The following XRRA1 variants were observed in gnomAD, a reference collection of about 807,000 sequenced individuals.
The protein encoded by XRRA1 is X-ray radiation resistance-associated protein 1.
In XRRA1, 69 loss-of-function variants were observed where a neutral mutation model predicts 80.2. That is an observed-to-expected ratio of 0.86 (90% confidence interval 0.71 to 1.05). The LOEUF is 1.05. XRRA1 is among the 50% of genes least tolerant of loss of function. XRRA1 has a pLI of 0.00. For synonymous variants in XRRA1, 348 were observed against 389.9 expected (o/e 0.89, Z 1.27); for missense variants, 967 against 976.4 (o/e 0.99, Z 0.13).
Position 74,848,228 on chromosome 11 carries a change from T to C in XRRA1, c.1615A>G (p.Thr539Ala). 1 of 1,613,392 alleles carries C rather than the reference T, an allele frequency of 6.2e-7. No homozygotes were observed. The highest frequency in any genetic ancestry group is 8.5e-7 in the Non-Finnish European group (1 of 1,179,716). ...VPLPPICSNSTVHSEETLSHL... is the reference protein window; with the variant it reads ...VPLPPICSNSAVHSEETLSHL... ...GACAGGGTCTCTTCACTATGCACAG[T>C]GGAGTTGGAGCAGATGGGAGGCAGT... Residue 539 changes from threonine (T) to alanine (A), a missense_variant, in exon 15 of 19, where the codon ACT becomes GCT. Thr to Ala is a moderately conservative substitution (Grantham distance 58). Transcript: ENST00000684022.
intron 3 of XRRA1, 113 bp from the exon 4 acceptor site, chr11:74,937,181 T>G (rs964973372): frequency 4.5e-6 from 5 of 1,114,198 alleles, no homozygotes; most frequent in Non-Finnish European, 6.3e-6. Flanking sequence ...TTATCTAACA[T>G]GCACCAGATA....
chr11:74,879,587 T>C (rs1261200355), intron 10 of XRRA1, among the ~76,000 whole-genome samples: 2 of 152,128 alleles, frequency 1.3e-5, no homozygotes, highest in African/African-American at 4.8e-5. Flanking sequence ...TTCAGTATGA[T>C]ATTGGCTGTG....
At position 74,883,796 on chromosome 11, in the gene XRRA1, CA is replaced by C. The variant is rs1279111848; in HGVS notation, c.1004-20776del. Among the ~76,000 whole-genome samples, 6 of 152,252 alleles carry C rather than the reference CA, an allele frequency of 3.9e-5. No homozygotes were observed. In the East Asian group the frequency reaches 9.7e-4, roughly 25 times the overall value. On this transcript the variant is annotated intron_variant, in intron 10 of 18. Transcript: ENST00000684022. ...TACCAGCTGTAGTGTTTCCACTCCTCAGGGGGGAAATATGATACAGGGGGTA... is the reference window on the plus strand; with the variant it reads ...TACCAGCTGTAGTGTTTCCACTCCTCGGGGGGAAATATGATACAGGGGGTA...
chr11:74,885,923 A>T (rs1398652555), intron 10 of XRRA1, among the ~76,000 whole-genome samples: 1 of 152,264 alleles, frequency 6.6e-6, no homozygotes, highest in African/African-American at 2.4e-5. Context: ...GCAAATCAAT[A>T]AATGTGATTT....
Position 74,848,122 on chromosome 11 carries a change from A to G in XRRA1, c.1721T>C (p.Leu574Pro). 1 of 1,607,674 alleles carries G rather than the reference A, an allele frequency of 6.2e-7. No homozygotes were observed. Among genetic ancestry groups the G allele is most frequent in the Non-Finnish European group, 8.5e-7 (1 of 1,178,504 alleles). Residue 574 changes from leucine (L) to proline (P), a missense_variant, in exon 15 of 19, where the codon CTG (leucine) becomes CCG (proline). By Grantham distance (98) the Leu-to-Pro change is moderately conservative. Transcript: ENST00000684022. ...EDSKSTESIF[L>P]TQVSELPSSV... The stretch of plus-strand genomic sequence containing the variant: ...GCAGCTGGATACAGGTACCTGGGTC[A>G]GGAAGATGGACTCTGTGCTCTTGGA...
chr11:74,864,870 C>A (rs1487925754), intron 10 of XRRA1, among the ~76,000 whole-genome samples: 3 of 152,234 alleles, frequency 2.0e-5, no homozygotes, highest in Non-Finnish European at 4.4e-5. Context: ...TGTCCCACAG[C>A]AAATTCTGAG....
At chr11:74,893,857 A>C (rs771546931) in intron 10 of XRRA1, among the ~76,000 whole-genome samples, 2 of 152,254 alleles carry the variant, frequency 1.3e-5, no homozygotes, top group Non-Finnish European at 2.9e-5. Context: ...AAGAACTTAA[A>C]AACAGAATTA....
In XRRA1 at chr11:74,843,954, C is replaced by T; in HGVS notation, c.2049G>A (p.Gln683=). 1 of 1,613,194 alleles carries T rather than the reference C, an allele frequency of 6.2e-7. No homozygotes were observed. The part of the protein sequence containing the change: ...KPYVHKEKRA[Q]RIPIPPPKKT... Reference sequence around the variant, plus strand: ...TCTTTGGGGGTGGAATCGGGATTCTCTGGGCCTGGCAGAAGGTCATGGAGG... The same window carrying T: ...TCTTTGGGGGTGGAATCGGGATTCTTTGGGCCTGGCAGAAGGTCATGGAGG... Residue 683 remains glutamine, a synonymous_variant, in exon 18 of 19, where the codon CAG becomes CAA. Coordinates refer to ENST00000684022, the MANE Select transcript of XRRA1 (RefSeq NM_001378157.1).
intron 12 of XRRA1, among the ~76,000 whole-genome samples, chr11:74,852,588 CA>C (rs930561475): frequency 6.6e-6 from 1 of 152,020 alleles, no homozygotes; most frequent in Non-Finnish European, 1.5e-5. Flanking sequence ...TGGGGATGGA[CA>C]GGGGGAAAGG....
chr11:74,872,559 GTCA>G (rs139819057), intron 10 of XRRA1, among the ~76,000 whole-genome samples: 3,034 of 152,218 alleles, frequency 0.02, 40 homozygotes, highest in Non-Finnish European at 0.033. Flanking sequence ...AGTGTGGCAA[GTCA>G]GGGCACTTTA....
rs555174797 is a variant in XRRA1, at chr11:74,929,671, A to C, written c.424+629T>G. Reference sequence around the variant, plus strand: ...ATGCCTTCTTACCTTCTAGTTCCTGAATCACTCCTATTCATTTTTCTGGTC... The same window carrying C: ...ATGCCTTCTTACCTTCTAGTTCCTGCATCACTCCTATTCATTTTTCTGGTC... On this transcript the variant is annotated intron_variant, in intron 6 of 18. Coordinates refer to ENST00000684022, the MANE Select transcript of XRRA1 (RefSeq NM_001378157.1). Among the ~76,000 whole-genome samples, 7 of 152,192 alleles carry C rather than the reference A, an allele frequency of 4.6e-5. No individual in the cohort carries two copies. The East Asian group carries it at 1.4e-3, about 29-fold the overall frequency.
intron 10 of XRRA1, among the ~76,000 whole-genome samples, chr11:74,873,760 G>A (rs2045425257): frequency 6.6e-6 from 1 of 152,178 alleles, no homozygotes; most frequent in South Asian, 2.1e-4. Flanking sequence ...CCAAACCTCA[G>A]TGAAGTACCT....
At chr11:74,873,613 G>T (rs1228968692) in intron 10 of XRRA1, among the ~76,000 whole-genome samples, 1 of 152,208 alleles carries the variant, frequency 6.6e-6, no homozygotes, top group African/African-American at 2.4e-5. Context: ...CCATCCTCAG[G>T]TCAGGGTCTT....
intron 12 of XRRA1, among the ~76,000 whole-genome samples, chr11:74,857,961 T>C (rs540804948): frequency 2.0e-5 from 3 of 152,268 alleles, no homozygotes; most frequent in Non-Finnish European, 2.9e-5. Context: ...AAGCAGTGCT[T>C]GGAGAAGAAA....
intron 1 of XRRA1, among the ~76,000 whole-genome samples, chr11:74,948,306 T>C (rs1421006823): frequency 6.6e-6 from 1 of 151,584 alleles, no homozygotes; most frequent in Non-Finnish European, 1.5e-5. Flanking sequence ...TAGTACAATA[T>C]TGGTGCTCAA....
At chr11:74,907,312 G>C (rs765055930) in intron 8 of XRRA1, 39 bp from the exon 9 acceptor site, 8 of 1,610,542 alleles carry the variant, frequency 5.0e-6, no homozygotes, top group Non-Finnish European at 4.2e-6. Flanking sequence ...GCAAGGTCGA[G>C]GGACAAATTC....
intron 3 of XRRA1, 118 bp downstream of exon 3, chr11:74,940,667 G>T: frequency 1.2e-6 from 1 of 809,236 alleles, no homozygotes; most frequent in Non-Finnish European, 2.0e-6. Flanking sequence ...GGAGGGGGAA[G>T]GATTAGGTAG....
At chr11:74,849,512 C>T (rs1362891813) in intron 14 of XRRA1, among the ~76,000 whole-genome samples, 2 of 152,218 alleles carry the variant, frequency 1.3e-5, no homozygotes, top group East Asian at 3.8e-4. Context: ...GCACAGGGCA[C>T]GGACACAGCA....
intron 3 of XRRA1, among the ~76,000 whole-genome samples, chr11:74,937,466 C>T (rs1945272704): frequency 6.6e-6 from 1 of 152,148 alleles, no homozygotes; most frequent in Non-Finnish European, 1.5e-5. Context: ...ATGCCAGTTA[C>T]TCTCCTATTG....
Sources: gnomAD v4.1 joint callset for allele counts (sites outside exome capture counted in the v4.1 genomes callset) on GRCh38, gnomAD v4.1.1 for gene constraint, MANE v1.5 for transcripts, NCBI Gene and HGNC (gene_info 2026-07-23, HGNC 2026-07-21) for gene names.